LRRTM4: variants seen among roughly 807,000 people sequenced by gnomAD.
The protein encoded by LRRTM4 is leucine rich repeat transmembrane neuronal 4.
A neutral mutation model predicts 47.6 loss-of-function variants in LRRTM4; 25 were observed. The ratio of observed to expected loss-of-function variants is 0.53; its 90% CI spans 0.38 to 0.73. LRRTM4 has a LOEUF of 0.73. LRRTM4 is among the 30% of genes least tolerant of loss of function. The probability of loss-of-function intolerance (pLI) is 0.00; values close to 1 mark genes in which losing one functional copy is unlikely to be tolerated. For missense variants in LRRTM4, 638 were observed against 713.4 expected (o/e 0.89, Z 1.20); for synonymous variants, 311 against 269.5 (o/e 1.15, Z -1.51).
chr2:76,954,715 TAAAG>T (rs936479937), intron 3 of LRRTM4, among the ~76,000 whole-genome samples: 1 of 151,660 alleles, frequency 6.6e-6, no homozygotes, highest in African/African-American at 2.4e-5. Context: ...GAAATGAACA[TAAAG>T]AAGCCCACGC....
intron 3 of LRRTM4, among the ~76,000 whole-genome samples, chr2:77,474,192 A>G (rs770655662): frequency 1.3e-5 from 2 of 152,140 alleles, no homozygotes; most frequent in Non-Finnish European, 2.9e-5. Flanking sequence ...GTGGAGGGAT[A>G]GTCCAACACA....
At chr2:77,019,275 A>AAAAAAAT (rs1390544509) in intron 3 of LRRTM4, among the ~76,000 whole-genome samples, 1 of 150,886 alleles carries the variant, frequency 6.6e-6, no homozygotes, top group African/African-American at 2.4e-5. Context: ...AAAAAAAAAA[A>AAAAAAAT]ATATAAGAAG....
At chr2:76,917,661 C>T (rs1483032708) in intron 3 of LRRTM4, among the ~76,000 whole-genome samples, 2 of 152,060 alleles carry the variant, frequency 1.3e-5, no homozygotes, top group African/African-American at 2.4e-5. Context: ...CTAGGAAGCT[C>T]TAGTTAAGAT....
At chr2:76,976,242 A>G (rs1400088909) in intron 3 of LRRTM4, among the ~76,000 whole-genome samples, 1 of 151,822 alleles carries the variant, frequency 6.6e-6, no homozygotes, top group Non-Finnish European at 1.5e-5. Context: ...CAGTAATAAC[A>G]CAATATATTT....
intron 3 of LRRTM4, among the ~76,000 whole-genome samples, chr2:77,351,843 T>TAA (rs1347691941): frequency 1.3e-5 from 2 of 152,028 alleles, no homozygotes; most frequent in African/African-American, 4.8e-5. Context: ...TGTGTGTGTG[T>TAA]AATTGTGTTT....
intron 3 of LRRTM4, among the ~76,000 whole-genome samples, chr2:77,095,145 T>C (rs1670771373): frequency 6.6e-6 from 1 of 152,130 alleles, no homozygotes; most frequent in African/African-American, 2.4e-5. Flanking sequence ...GATAAAAATA[T>C]CCAACAGATA....
chr2:76,807,915 TTTCC>T (rs140365100), intron 3 of LRRTM4, among the ~76,000 whole-genome samples: 1 of 112,430 alleles, frequency 8.9e-6, no homozygotes, highest in African/African-American at 2.9e-5. Context: ...CTTTCTTTTC[TTTCC>T]TTTCTTTCCT....
At chr2:76,846,510 A>G (rs1671841064) in intron 3 of LRRTM4, among the ~76,000 whole-genome samples, 1 of 152,138 alleles carries the variant, frequency 6.6e-6, no homozygotes, top group Non-Finnish European at 1.5e-5. Flanking sequence ...AGAATCTTTC[A>G]ATATCTACCC....
At chr2:76,816,450 A>G (rs1670897809) in intron 3 of LRRTM4, among the ~76,000 whole-genome samples, 1 of 152,134 alleles carries the variant, frequency 6.6e-6, no homozygotes, top group African/African-American at 2.4e-5. Flanking sequence ...ATAGTCATGA[A>G]AGCTATGCTT....
At chr2:77,319,841 G>T (rs919491678) in intron 3 of LRRTM4, among the ~76,000 whole-genome samples, 2 of 152,170 alleles carry the variant, frequency 1.3e-5, no homozygotes, top group African/African-American at 4.8e-5. Flanking sequence ...TTCCCCAAAG[G>T]TGAAGATTCA....
At chr2:76,910,627 A>C (rs1674020534) in intron 3 of LRRTM4, among the ~76,000 whole-genome samples, 3 of 152,222 alleles carry the variant, frequency 2.0e-5, no homozygotes, top group Admixed American at 1.3e-4. Flanking sequence ...AGCTAGTATT[A>C]AATTTTTTAT....
intron 3 of LRRTM4, among the ~76,000 whole-genome samples, chr2:77,221,468 A>T: frequency 6.6e-6 from 1 of 151,582 alleles, no homozygotes; most frequent in African/African-American, 2.4e-5. Flanking sequence ...CCCATCTCAC[A>T]TGCAGAGACA....
chr2:76,925,753 G>A (rs866193382), intron 3 of LRRTM4, among the ~76,000 whole-genome samples: 11 of 151,978 alleles, frequency 7.2e-5, no homozygotes, highest in Admixed American at 3.3e-4. Context: ...ACTCCATAGG[G>A]CTTGTGGTTT....
intron 3 of LRRTM4, among the ~76,000 whole-genome samples, chr2:76,828,879 T>G (rs1262582521): frequency 6.6e-6 from 1 of 151,960 alleles, no homozygotes; most frequent in Non-Finnish European, 1.5e-5. Context: ...CTGTACATTT[T>G]TCTTTAATCT....
intron 3 of LRRTM4, among the ~76,000 whole-genome samples, chr2:76,940,577 A>C (rs1178478715): frequency 1.3e-5 from 2 of 152,182 alleles, no homozygotes; most frequent in Non-Finnish European, 2.9e-5. Context: ...TCTGTACAAC[A>C]AACCCCCATG....
intron 3 of LRRTM4, among the ~76,000 whole-genome samples, chr2:77,140,862 C>T (rs2103760289): frequency 6.6e-6 from 1 of 152,234 alleles, no homozygotes; most frequent in Non-Finnish European, 1.5e-5. Context: ...CCAACAGACA[C>T]ATGAAAAAAT....
intron 3 of LRRTM4, among the ~76,000 whole-genome samples, chr2:76,868,347 T>C (rs1672523596): frequency 6.6e-6 from 1 of 152,204 alleles, no homozygotes; most frequent in Non-Finnish European, 1.5e-5. Flanking sequence ...AAAATTTTAA[T>C]AACATCTCTC....
chr2:77,148,453 A>G (rs975683754), intron 3 of LRRTM4, among the ~76,000 whole-genome samples: 4 of 152,142 alleles, frequency 2.6e-5, no homozygotes, highest in Non-Finnish European at 4.4e-5. Flanking sequence ...AACTAGATAT[A>G]CAACTAGTTG....
chr2:77,496,595 TATA>T (rs941896726), intron 3 of LRRTM4, among the ~76,000 whole-genome samples: 13 of 151,972 alleles, frequency 8.6e-5, no homozygotes, highest in African/African-American at 3.1e-4. Flanking sequence ...ATGTTAATTA[TATA>T]ATGAGTTACA....
Sources: allele counts gnomAD v4.1 joint callset (sites outside exome capture counted in the v4.1 genomes callset), GRCh38; gene constraint gnomAD v4.1.1; transcripts MANE v1.5; gene names NCBI Gene and HGNC (gene_info 2026-07-23, HGNC 2026-07-21).